RPTOR: variants seen among roughly 807,000 people sequenced by gnomAD.
RPTOR encodes regulatory-associated protein of mTOR.
A neutral mutation model predicts 169.9 loss-of-function variants in RPTOR; 21 were observed. The observed-to-expected ratio is 0.12, with a 90% CI of 0.09 to 0.18. The LOEUF (loss-of-function observed/expected upper bound fraction) is 0.18. RPTOR is among the 10% of genes least tolerant of loss of function. The pLI, the probability that RPTOR is intolerant of heterozygous loss-of-function variation, is 1.00. For synonymous variants in RPTOR, 732 were observed against 753.2 expected (o/e 0.97, Z 0.46); for missense variants, 1,133 against 1,855.9 (o/e 0.61, Z 7.16).
intron 10 of RPTOR, among the ~76,000 whole-genome samples, chr17:80,842,066 G>T (rs188667463): frequency 1.3e-5 from 2 of 152,194 alleles, no homozygotes; most frequent in Non-Finnish European, 2.9e-5. Flanking sequence ...TCACGGCGCT[G>T]CAGCTCACAT....
At chr17:80,946,857 A>G (rs2069110187) in intron 26 of RPTOR, among the ~76,000 whole-genome samples, 1 of 152,194 alleles carries the variant, frequency 6.6e-6, no homozygotes, top group Non-Finnish European at 1.5e-5. Flanking sequence ...GCTGGACCAT[A>G]TGGTGATGCT....
At chr17:80,758,382 T>C (rs1354615660) in intron 6 of RPTOR, among the ~76,000 whole-genome samples, 2 of 152,096 alleles carry the variant, frequency 1.3e-5, no homozygotes, top group Non-Finnish European at 2.9e-5. Flanking sequence ...CCAAGTCCAT[T>C]GTGGGGTGCT....
chr17:80,929,659 C>T (rs1013018144), intron 24 of RPTOR, among the ~76,000 whole-genome samples: 12 of 152,136 alleles, frequency 7.9e-5, no homozygotes, highest in African/African-American at 2.9e-4. Context: ...CTGCACTGCC[C>T]GTCATCAGAT....
At chr17:80,825,495 G>T (rs900034705) in intron 9 of RPTOR, among the ~76,000 whole-genome samples, 1 of 152,242 alleles carries the variant, frequency 6.6e-6, no homozygotes. Context: ...AGGCCTAGCT[G>T]CAGCCTCTCC....
chr17:80,914,306 C>G (rs1054681072), intron 21 of RPTOR, among the ~76,000 whole-genome samples: 1 of 152,216 alleles, frequency 6.6e-6, no homozygotes, highest in African/African-American at 2.4e-5. Context: ...CACCCAGCCA[C>G]AACTCTGGAT....
chr17:80,847,774 C>T (rs920148024), intron 11 of RPTOR, among the ~76,000 whole-genome samples: 3 of 152,312 alleles, frequency 2.0e-5, no homozygotes, highest in East Asian at 1.9e-4. Context: ...TGAGTGGCGC[C>T]GCCCACCTGC....
At chr17:80,888,824 C>T (rs957807567) in intron 17 of RPTOR, among the ~76,000 whole-genome samples, 1 of 152,158 alleles carries the variant, frequency 6.6e-6, no homozygotes, top group African/African-American at 2.4e-5. Context: ...ACCCCTGGAG[C>T]TGGGGGAGGG....
At chr17:80,556,012 C>T (rs1482788450) in intron 1 of RPTOR, among the ~76,000 whole-genome samples, 1 of 141,540 alleles carries the variant, frequency 7.1e-6, no homozygotes, top group African/African-American at 2.6e-5. Context: ...CTGGGAGGAT[C>T]TAAAAAGTTT....
At chr17:80,555,357 C>T (rs919448848) in intron 1 of RPTOR, among the ~76,000 whole-genome samples, 1 of 152,102 alleles carries the variant, frequency 6.6e-6, no homozygotes, top group Non-Finnish European at 1.5e-5. Flanking sequence ...CCACCTAGCC[C>T]TCCATCAGGT....
At position 80,936,427 on chromosome 17, in the gene RPTOR, C is replaced by CA. The variant is rs1385452985; in HGVS notation, c.2920-4068dup. Among the ~76,000 whole-genome samples, 2 of 152,200 alleles carry CA rather than the reference C, an allele frequency of 1.3e-5. No homozygotes were observed. Among genetic ancestry groups the CA allele is most frequent in the Non-Finnish European group, 2.9e-5 (2 of 68,040 alleles). ...TGTTTATAGTGACTGTATTCATAGT[C>CA]ACCAAAAACTGGAAACAACCCAAGT... On this transcript the variant is annotated intron_variant, in intron 24 of 33. Transcript: ENST00000306801. This position sits in a 1 kb window ranked among gnomAD's most constrained non-coding sequence, Gnocchi z 4.1.
chr17:80,925,985 C>T (rs935453963), intron 24 of RPTOR, among the ~76,000 whole-genome samples: 6 of 152,212 alleles, frequency 3.9e-5, no homozygotes, highest in East Asian at 3.8e-4. Context: ...TCGGCCTCTT[C>T]GAGGAATGGG....
intron 13 of RPTOR, among the ~76,000 whole-genome samples, chr17:80,864,985 A>AC (rs1227580340): frequency 6.6e-6 from 1 of 152,214 alleles, no homozygotes; most frequent in Non-Finnish European, 1.5e-5. Flanking sequence ...AAGCCACGGC[A>AC]CCCCACAGAA....
intron 14 of RPTOR, among the ~76,000 whole-genome samples, chr17:80,882,250 A>C (rs117791894): frequency 1.9e-3 from 293 of 152,390 alleles, no homozygotes; most frequent in Non-Finnish European, 3.3e-3. Flanking sequence ...GTTTTTGATT[A>C]GATAGTGGCT....
chr17:80,614,191 A>G (rs2065292242), intron 1 of RPTOR, among the ~76,000 whole-genome samples: 1 of 152,154 alleles, frequency 6.6e-6, no homozygotes, highest in African/African-American at 2.4e-5. Flanking sequence ...TCACCAAGCC[A>G]CATGCTGCGG....
intron 6 of RPTOR, among the ~76,000 whole-genome samples, chr17:80,775,476 G>A (rs1202602939): frequency 1.3e-5 from 2 of 152,172 alleles, no homozygotes; most frequent in Non-Finnish European, 2.9e-5. Context: ...AGATGCTTCA[G>A]GGGGTAGCTG....
chr17:80,671,318 G>A (rs1298784567), intron 3 of RPTOR, among the ~76,000 whole-genome samples: 3 of 151,772 alleles, frequency 2.0e-5, no homozygotes, highest in Non-Finnish European at 4.4e-5. Context: ...GCGTGCGTGT[G>A]AGAGAGAGAG....
chr17:80,898,604 G>GTGTGT (rs1357031919), intron 20 of RPTOR, among the ~76,000 whole-genome samples: 2 of 149,842 alleles, frequency 1.3e-5, no homozygotes, highest in Non-Finnish European at 3.0e-5. Flanking sequence ...TTCCTAATGT[G>GTGTGT]TGTGTTCAGG....
At chr17:80,563,964 C>A (rs2084537709) in intron 1 of RPTOR, among the ~76,000 whole-genome samples, 1 of 152,214 alleles carries the variant, frequency 6.6e-6, no homozygotes, top group Non-Finnish European at 1.5e-5. Context: ...TGCTCATTCA[C>A]CCCCTTGGAC....
At chr17:80,940,708 C>CCA in intron 25 of RPTOR, 107 bp downstream of exon 25, 1 of 871,474 alleles carries the variant, frequency 1.1e-6, no homozygotes, top group East Asian at 2.7e-5. Context: ...CCTTCTCCAG[C>CCA]CATCCACTGT....
Sources: gnomAD v4.1 joint callset for allele counts (sites outside exome capture counted in the v4.1 genomes callset) on GRCh38, gnomAD v4.1.1 for gene constraint, Gnocchi (gnomAD v3.1) non-coding constraint, MANE v1.5 for transcripts, NCBI Gene and HGNC (gene_info 2026-07-23, HGNC 2026-07-21) for gene names.